Variants in STARD9 observed in about 807,000 individuals in gnomAD.
STARD9 encodes StAR related lipid transfer domain containing 9.
Under a neutral mutation model 399.8 loss-of-function variants are expected in STARD9, and 346 were observed. The observed-to-expected ratio is 0.87, with a 90% CI of 0.79 to 0.95. The LOEUF is 0.95. STARD9 is among the 40% of genes least tolerant of loss of function. The pLI is 0.00. For synonymous variants in STARD9, 2,203 were observed against 2,143.5 expected (o/e 1.03, Z -0.77); for missense variants, 5,832 against 5,667.5 (o/e 1.03, Z -0.93).
In STARD9 at chr15:42,689,355, A is replaced by C; in HGVS notation, c.7777A>C (p.Arg2593=). 2.0e-6 allele frequency: 3 copies of C among 1,537,304 alleles called. No individual in the cohort carries two copies. The South Asian group carries it at 3.6e-5, about 18-fold the overall frequency. ...CGAATGTTCTTCAAGGGTTGCTGGC[A>C]GGCCTCAGTGTAAACAAATAGACCA... ...EPECSSRVAG[R]PQCKQIDQSS... is the part of the protein sequence containing the mutation. The change falls in exon 23 of 33, where the codon AGG becomes CGG. Residue 2593 remains arginine, a synonymous_variant. Transcript: ENST00000290607.
In STARD9 at chr15:42,688,606, C is replaced by T. The variant is rs1464920513; in HGVS notation, c.7028C>T (p.Pro2343Leu). ...NTLPLNSPRW[P>L]RRCLHVPVAL... is the part of the protein sequence containing the mutation. ...TTGCCCTTGAATTCTCCAAGGTGGC[C>T]AAGAAGGTGTCTTCATGTACCTGTT... The change falls in exon 23 of 33, where the codon CCA becomes CTA. Residue 2343 changes from proline to leucine, a missense_variant. By Grantham distance (98) the Pro-to-Leu change is moderately conservative (BLOSUM62 -3). Around this residue, in one of 2 missense-constraint regions of STARD9, gnomAD observed 5,828 missense variants for 5,651.1 expected, o/e 1.03. Coordinates refer to ENST00000290607, the MANE Select transcript of STARD9 (RefSeq NM_020759.3). The T allele has an allele frequency of 2.0e-6, 3 of 1,537,558 alleles. No homozygotes were observed. In the East Asian group the frequency reaches 7.3e-5, roughly 38 times the overall value.
rs1182643137 is a variant in STARD9 at position 42,686,636 on chromosome 15, A to C, written c.5058A>C (p.Leu1686Phe). 1 of 1,537,302 alleles carries C rather than the reference A, an allele frequency of 6.5e-7. No homozygotes were observed. The highest frequency in any genetic ancestry group is 2.0e-5 in the Admixed American group (1 of 50,998). The change falls in exon 23 of 33, where the codon TTA becomes TTC. Residue 1686 changes from leucine to phenylalanine, a missense_variant. Physicochemically the swap from Leu to Phe is conservative, Grantham distance 22. Transcript: ENST00000290607. ...ATAGTGCAGTCCAGCCAGGGCAATTAAGTCCCGACAGCCACTACCCACTAG... is the reference window on the plus strand; with the variant it reads ...ATAGTGCAGTCCAGCCAGGGCAATTCAGTCCCGACAGCCACTACCCACTAG... ...RKNSAVQPGQ[L>F]SPDSHYPLEE... is the part of the protein sequence containing the mutation.
At chr15:42,630,940 T>C (rs1440228567) in intron 3 of STARD9, among the ~76,000 whole-genome samples, 1 of 152,020 alleles carries the variant, frequency 6.6e-6, no homozygotes, top group Admixed American at 6.5e-5. Flanking sequence ...AGTTTTTTTC[T>C]TCTGCTCATT....
chr15:42,633,372 G>A (rs182602570), intron 3 of STARD9, among the ~76,000 whole-genome samples: 4 of 152,244 alleles, frequency 2.6e-5, no homozygotes, highest in Non-Finnish European at 5.9e-5. Flanking sequence ...TATCAGAGTT[G>A]TCACAGAATT....
In STARD9 at chr15:42,695,138, A is replaced by C; in HGVS notation, c.12963-2A>C. 6.6e-7 allele frequency: 1 copy of C among 1,524,728 alleles called. No individual in the cohort carries two copies. The highest frequency in any genetic ancestry group is 1.4e-5 in the African/African-American group (1 of 72,958). The allele number at this position is 1,524,728 out of a possible 1,614,324, so 94.4% of individuals were successfully genotyped here. A position where few individuals can be genotyped will look rare whatever the true frequency, so the allele number is the denominator to read the frequency against. On this transcript the variant is annotated splice_acceptor_variant, in intron 24 of 32. Coordinates refer to ENST00000290607, the MANE Select transcript of STARD9 (RefSeq NM_020759.3). LOFTEE classifies it high-confidence loss of function. ...TTCTTTCCACCCCGTGATCTTCCTC[A>C]GGAGCCCAGAGTCAGTGTCAAGGTC... is the stretch of plus-strand genomic sequence containing the variant.
intron 3 of STARD9, among the ~76,000 whole-genome samples, chr15:42,614,660 T>C (rs2058920142): frequency 6.6e-6 from 1 of 152,094 alleles, no homozygotes; most frequent in African/African-American, 2.4e-5. Context: ...CACCTGAAAC[T>C]TACTCTATAA....
intron 12 of STARD9, 158 bp downstream of exon 12, chr15:42,663,648 G>C: frequency 1.6e-6 from 1 of 611,744 alleles, no homozygotes; most frequent in East Asian, 2.7e-5. Context: ...TGGGATGCCA[G>C]AGCTGGATCT....
At chr15:42,652,225 T>A (rs907372046) in intron 8 of STARD9, among the ~76,000 whole-genome samples, 2 of 152,154 alleles carry the variant, frequency 1.3e-5, no homozygotes, top group African/African-American at 4.8e-5. Flanking sequence ...ATGATGACGC[T>A]CTAGTCTTCA....
At chr15:42,638,885 A>G (rs1450733075) in intron 7 of STARD9, 73 bp downstream of exon 7, 39 of 825,306 alleles carry the variant, frequency 4.7e-5, no homozygotes, top group Non-Finnish European at 7.2e-5. Flanking sequence ...TCCCTAATTC[A>G]TTGAACATAG....
At chr15:42,666,371 A>G (rs930283535) in intron 15 of STARD9, among the ~76,000 whole-genome samples, 1 of 152,174 alleles carries the variant, frequency 6.6e-6, no homozygotes, top group African/African-American at 2.4e-5. Context: ...CTGACCTTGA[A>G]CTAGCCCTTG....
chr15:42,695,984 C>T, intron 26 of STARD9, 104 bp downstream of exon 26: 1 of 1,272,416 alleles, frequency 7.9e-7, no homozygotes, highest in Non-Finnish European at 1.1e-6. Context: ...CGCCGTGCCT[C>T]CTGGAGGCCA....
intron 26 of STARD9, among the ~76,000 whole-genome samples, chr15:42,702,265 A>G (rs1427459890): frequency 6.6e-6 from 1 of 152,028 alleles, no homozygotes; most frequent in Non-Finnish European, 1.5e-5. Flanking sequence ...GTGCAGTGGC[A>G]CAATCTCAGT....
At chr15:42,708,580 T>C (rs1465363213) in intron 26 of STARD9, among the ~76,000 whole-genome samples, 1 of 152,258 alleles carries the variant, frequency 6.6e-6, no homozygotes, top group Non-Finnish European at 1.5e-5. Context: ...TATGTTGTTA[T>C]CAGTTTCTTT....
At position 42,665,337 on chromosome 15, in the gene STARD9, A is replaced by G. The variant is rs1167428534; in HGVS notation, c.1254+7A>G. 6.5e-7 allele frequency: 1 copy of G among 1,535,180 alleles called. No individual in the cohort carries two copies. The highest frequency in any genetic ancestry group is 8.7e-7 in the Non-Finnish European group (1 of 1,145,112). ...GCTGCTGAGCTTTGAACTGGTATGC[A>G]GACAGTCAGAACCTTTCCGTACTTA... On this transcript the variant is annotated splice_region_variant and intron_variant, in intron 14 of 32. Transcript: ENST00000290607.
chr15:42,587,370 G>A (rs2058297128), intron 3 of STARD9, among the ~76,000 whole-genome samples: 2 of 152,072 alleles, frequency 1.3e-5, no homozygotes, highest in African/African-American at 4.8e-5. Flanking sequence ...GACCACTGTG[G>A]GATTTGCTGT....
intron 1 of STARD9, chr15:42,581,126 CA>C (rs2058159481): frequency 1.4e-6 from 1 of 727,624 alleles, no homozygotes; most frequent in African/African-American, 1.7e-5. Context: ...GCAGGAGAGT[CA>C]GATGCCCATC....
chr15:42,627,516 G>A (rs748145850), intron 3 of STARD9, among the ~76,000 whole-genome samples: 4 of 152,060 alleles, frequency 2.6e-5, no homozygotes, highest in Admixed American at 6.6e-5. Flanking sequence ...TAGTAATCAC[G>A]TTATGCTATC....
At chr15:42,666,865 A>T (rs1313284312) in intron 15 of STARD9, among the ~76,000 whole-genome samples, 1 of 152,078 alleles carries the variant, frequency 6.6e-6, no homozygotes, top group Non-Finnish European at 1.5e-5. Flanking sequence ...CCCAGGCTGG[A>T]GTGCAGCGTT....
At chr15:42,658,074 T>C (rs192163499) in intron 9 of STARD9, among the ~76,000 whole-genome samples, 1 of 152,334 alleles carries the variant, frequency 6.6e-6, no homozygotes, top group East Asian at 1.9e-4. Context: ...TTTATAGATA[T>C]GGCACTAAAA....
Sources: allele counts gnomAD v4.1 joint callset (sites outside exome capture counted in the v4.1 genomes callset), GRCh38; gene constraint gnomAD v4.1.1; regional missense constraint gnomAD v4.1.1; transcripts MANE v1.5; gene names NCBI Gene and HGNC (gene_info 2026-07-23, HGNC 2026-07-21).